Variants in CSMD1 observed in about 807,000 individuals in gnomAD.
The protein encoded by CSMD1 is CUB and sushi domain-containing protein 1.
Under a neutral mutation model 417.5 loss-of-function variants are expected in CSMD1, and 213 were observed. The observed-to-expected ratio is 0.51, with a 90% confidence interval of 0.46 to 0.57. The LOEUF is 0.57. Ranked by LOEUF, CSMD1 falls within the 20% of genes least tolerant of loss-of-function variation. CSMD1 has a pLI of 0.00. For missense variants in CSMD1, 6,923 were observed against 4,529.7 expected (o/e 1.53, Z -15.17); for synonymous variants, 2,862 against 1,736.8 (o/e 1.65, Z -16.11).
intron 1 of CSMD1, among the ~76,000 whole-genome samples, chr8:4,914,911 A>T (rs982894297): frequency 2.0e-5 from 3 of 152,182 alleles, no homozygotes; most frequent in African/African-American, 4.8e-5. Flanking sequence ...AAGTCACAGA[A>T]AACAGGAACA....
At chr8:4,002,516 G>A (rs566939704) in intron 4 of CSMD1, among the ~76,000 whole-genome samples, 1 of 152,136 alleles carries the variant, frequency 6.6e-6, no homozygotes, top group Admixed American at 6.5e-5. Context: ...ATGCCACAGA[G>A]GAAACAGTTT....
rs140827106 is a variant in CSMD1 at position 3,344,081 on chromosome 8, C to T, written c.3475-631G>A. ...ATTATCTTCCCAAGCAGTTGTAAAA[C>T]GAGAGTAGATGTAATAAGTATACGG... On this transcript the variant is annotated intron_variant, in intron 22 of 69. Transcript: ENST00000635120. Among the ~76,000 whole-genome samples the T allele has an allele frequency of 9.3e-4, 142 of 152,134 alleles. 1 individual carries two copies. In the Middle Eastern group the frequency reaches 0.034, roughly 36 times the overall value.
chr8:3,905,634 A>G (rs1043576380), intron 5 of CSMD1, among the ~76,000 whole-genome samples: 1 of 152,206 alleles, frequency 6.6e-6, no homozygotes, highest in African/African-American at 2.4e-5. Context: ...TTACATTTCT[A>G]GCACTGTCCC....
chr8:3,784,502 G>C (rs1200792222), intron 5 of CSMD1, among the ~76,000 whole-genome samples: 1 of 152,076 alleles, frequency 6.6e-6, no homozygotes, highest in Non-Finnish European at 1.5e-5. Flanking sequence ...CTTATTTTTG[G>C]ACTTGCTAGA....
intron 21 of CSMD1, among the ~76,000 whole-genome samples, chr8:3,357,827 C>A (rs1340278234): frequency 6.6e-6 from 1 of 152,004 alleles, no homozygotes; most frequent in Admixed American, 6.6e-5. Context: ...AATATTATAA[C>A]CACAAACAGT....
At chr8:4,792,696 G>C (rs1323948234) in intron 1 of CSMD1, among the ~76,000 whole-genome samples, 1 of 152,088 alleles carries the variant, frequency 6.6e-6, no homozygotes. Context: ...AGAACCAAAA[G>C]GAACAATTCT....
In CSMD1 at chr8:3,796,429, T is replaced by G. The variant is rs1361509658; in HGVS notation, c.819-42387A>C. Among the ~76,000 whole-genome samples, 126 of 107,290 alleles carry G rather than the reference T, an allele frequency of 1.2e-3. 9 individuals are homozygous for G. The highest frequency in any genetic ancestry group is 4.2e-3 in the African/African-American group (119 of 28,356). 70.4% of individuals were successfully genotyped at this position (107,290 alleles called of 152,430 possible). Reference sequence around the variant, plus strand: ...TAGATATATATCTATCATGTATAGATATATATATCTATCGTGTATAGATAT... The same window carrying G: ...TAGATATATATCTATCATGTATAGAGATATATATCTATCGTGTATAGATAT... On this transcript the variant is annotated intron_variant, in intron 5 of 69. Transcript: ENST00000635120.
intron 5 of CSMD1, among the ~76,000 whole-genome samples, chr8:3,890,571 A>G (rs77405640): frequency 0.035 from 5,268 of 152,256 alleles, 268 homozygotes; most frequent in African/African-American, 0.11. Flanking sequence ...TAGGTAACAC[A>G]TAAGGTTTTT....
intron 5 of CSMD1, among the ~76,000 whole-genome samples, chr8:3,882,298 T>G (rs1243986301): frequency 5.3e-5 from 8 of 152,122 alleles, no homozygotes. Context: ...ACACACAAAG[T>G]CATTCAACTT....
At chr8:3,334,934 AG>A (rs1384547068) in intron 23 of CSMD1, among the ~76,000 whole-genome samples, 1 of 152,260 alleles carries the variant, frequency 6.6e-6, no homozygotes, top group Non-Finnish European at 1.5e-5. Context: ...TAAGAGCGTC[AG>A]CTCCTAGTCC....
rs191427940 is a variant in CSMD1 at position 4,165,805 on chromosome 8, A to T, written c.416-133706T>A. On this transcript the variant is annotated intron_variant, in intron 3 of 69. Transcript: ENST00000635120. Reference sequence around the variant, plus strand: ...CACGTGTTGTCACTCCAGCCGCATTATGTCACTCTTACTAGGTTGTTGCAA... The same window carrying T: ...CACGTGTTGTCACTCCAGCCGCATTTTGTCACTCTTACTAGGTTGTTGCAA... Among the ~76,000 whole-genome samples the T allele has an allele frequency of 1.0e-3, 159 of 152,320 alleles. 1 individual carries two copies. The highest frequency in any genetic ancestry group is 3.7e-3 in the African/African-American group (153 of 41,558).
Position 3,162,375 on chromosome 8 carries a change from G to C in CSMD1, c.5726-98C>G. On this transcript the variant is annotated intron_variant, in intron 37 of 69. Transcript: ENST00000635120. ...TTATTTCTATTGCTCTCCTTCTGTA[G>C]AAATGAACAAAGACTTCAACTCTTT... The C allele has an allele frequency of 3.8e-6, 3 of 781,862 alleles. No homozygotes were observed. The South Asian group carries it at 4.7e-5, about 12-fold the overall frequency. 48.4% of individuals were successfully genotyped at this position (781,862 alleles called of 1,614,324 possible).
At chr8:4,307,814 A>T (rs10090202) in intron 3 of CSMD1, among the ~76,000 whole-genome samples, 1 of 152,164 alleles carries the variant, frequency 6.6e-6, no homozygotes, top group Non-Finnish European at 1.5e-5. Flanking sequence ...CAGTCTGAAA[A>T]ATTATAATAT....
At position 3,142,491 on chromosome 8, in the gene CSMD1, C is replaced by A; in HGVS notation, c.6215G>T (p.Arg2072Leu). 6.2e-7 allele frequency: 1 copy of A among 1,613,688 alleles called. No homozygotes were observed. Among genetic ancestry groups the A allele is most frequent in the Non-Finnish European group, 8.5e-7 (1 of 1,179,784 alleles). The part of the protein sequence containing the change: ...IHFYSDHSQN[R>L]QGFKLAYQAY... ...TTGGTAAGCAAGTTTAAATCCTTGC[C>A]GGTTTTGCGAATGGTCACTATAAAA... The change falls in exon 41 of 70, where the codon CGG becomes CTG. Residue 2072 changes from arginine (R) to leucine (L), a missense_variant. Transcript: ENST00000635120.
At chr8:4,005,742 G>A (rs1015836246) in intron 4 of CSMD1, among the ~76,000 whole-genome samples, 2 of 152,162 alleles carry the variant, frequency 1.3e-5, no homozygotes, top group African/African-American at 2.4e-5. Flanking sequence ...ATATGTGGAA[G>A]TGAGTTATTG....
rs528063087 is a variant in CSMD1, at chr8:3,951,293, T to G, written c.818+46610A>C. On this transcript the variant is annotated intron_variant, in intron 5 of 69. Coordinates refer to ENST00000635120, the MANE Select transcript of CSMD1 (RefSeq NM_033225.6). ...CCTCCTCAGCCCTGGCCCACCTTTG[T>G]GTCTTCCATGGCACCTTCTCCTCGT... is the stretch of plus-strand genomic sequence containing the variant. Among the ~76,000 whole-genome samples the G allele has an allele frequency of 2.6e-5, 4 of 152,320 alleles. No homozygotes were observed. In the East Asian group the frequency reaches 5.8e-4, roughly 22 times the overall value.
chr8:3,410,082 C>G (rs1035639101), intron 12 of CSMD1, among the ~76,000 whole-genome samples: 9 of 152,120 alleles, frequency 5.9e-5, no homozygotes, highest in Admixed American at 3.9e-4. Flanking sequence ...ACTTATGAAG[C>G]AGAATGAATA....
chr8:4,032,507 T>TTAA (rs1198399591), intron 3 of CSMD1, among the ~76,000 whole-genome samples: 18 of 152,118 alleles, frequency 1.2e-4, no homozygotes, highest in Non-Finnish European at 2.5e-4. Flanking sequence ...ACTGCAAGAG[T>TTAA]GAATACTCAT....
At chr8:3,810,204 A>T (rs1349850808) in intron 5 of CSMD1, among the ~76,000 whole-genome samples, 1 of 152,214 alleles carries the variant, frequency 6.6e-6, no homozygotes, top group Non-Finnish European at 1.5e-5. Context: ...GAGTCAGGAC[A>T]GTCTAGTCTT....
Sources: gnomAD v4.1 joint callset for allele counts (sites outside exome capture counted in the v4.1 genomes callset) on GRCh38, gnomAD v4.1.1 for gene constraint, MANE v1.5 for transcripts, NCBI Gene and HGNC (gene_info 2026-07-23, HGNC 2026-07-21) for gene names.